INPP5F: variants seen among roughly 807,000 people sequenced by gnomAD.
The protein encoded by INPP5F is inositol polyphosphate-5-phosphatase F.
INPP5F carries 97 observed loss-of-function variants against 137.2 expected under a neutral mutation model. The observed-to-expected ratio is 0.71, with a 90% CI of 0.60 to 0.84. The LOEUF is 0.84. INPP5F is among the 40% of genes least tolerant of loss of function. The pLI, the probability that INPP5F is intolerant of heterozygous loss-of-function variation, is 0.00. For missense variants in INPP5F, 1,271 were observed against 1,371.9 expected (o/e 0.93, Z 1.16); for synonymous variants, 504 against 476.9 (o/e 1.06, Z -0.74).
At chr10:119,740,614 C>T (rs563078967) in intron 1 of INPP5F, among the ~76,000 whole-genome samples, 64 of 152,254 alleles carry the variant, frequency 4.2e-4, no homozygotes, top group African/African-American at 1.4e-3. Flanking sequence ...GCCATCTTGG[C>T]TCACTGCAAC....
chr10:119,828,458 C>T lies in INPP5F; in HGVS notation c.*678C>T, dbSNP rs1159713335. On this transcript the variant is annotated 3_prime_UTR_variant, in exon 20 of 20. Coordinates refer to ENST00000650623, the MANE Select transcript of INPP5F (RefSeq NM_014937.4). ...GATACATCAGAGGTGAATACCAGCA[C>T]CTATTAGGTTTCATTTTGCTGTTTT... 1.3e-5 allele frequency: 2 copies of T among 152,098 alleles called. No homozygotes were observed. Among genetic ancestry groups the T allele is most frequent in the African/African-American group, 2.4e-5 (1 of 41,412 alleles). The allele number at this position is 152,098 out of a possible 1,614,324, so 9.4% of individuals were successfully genotyped here. A position where few individuals can be genotyped will look rare whatever the true frequency, so the allele number is the denominator to read the frequency against.
At chr10:119,812,065 G>A (rs1405827489) in intron 15 of INPP5F, 110 bp downstream of exon 15, 21 of 820,242 alleles carry the variant, frequency 2.6e-5, no homozygotes, top group African/African-American at 1.5e-4. Flanking sequence ...TGCATGGCGC[G>A]TGACTATTTC....
Position 119,805,502 on chromosome 10 carries a change from T to C in INPP5F, c.1319+41T>C, listed in dbSNP as rs746960162. On this transcript the variant is annotated intron_variant, in intron 11 of 19. Transcript: ENST00000650623. ...GAACTCCTTTTTACAGACTCTGGGA[T>C]CTGTAAAATAGTACCACTGAGCATT... 6.6e-6 allele frequency: 9 copies of C among 1,360,836 alleles called. No homozygotes were observed. The African/African-American group carries it at 1.2e-4, about 17-fold the overall frequency. 84.3% of individuals were successfully genotyped at this position (1,360,836 alleles called of 1,614,324 possible). A position where few individuals can be genotyped will look rare whatever the true frequency, so the allele number is the denominator to read the frequency against.
intron 2 of INPP5F, among the ~76,000 whole-genome samples, chr10:119,776,722 A>G (rs1849534841): frequency 6.6e-6 from 1 of 150,776 alleles, no homozygotes; most frequent in Non-Finnish European, 1.5e-5. Context: ...GAGAGAGAGA[A>G]AGAGAGGTCC....
intron 7 of INPP5F, 100 bp from the exon 8 acceptor site, chr10:119,797,360 AG>A: frequency 1.1e-6 from 1 of 947,062 alleles, no homozygotes. Flanking sequence ...TGAATCCCCA[AG>A]GCTATCCTGG....
At chr10:119,756,390 C>A (rs917210888) in intron 2 of INPP5F, among the ~76,000 whole-genome samples, 1 of 152,084 alleles carries the variant, frequency 6.6e-6, no homozygotes, top group Non-Finnish European at 1.5e-5. Context: ...AATCCCAGCA[C>A]TTTGGGAGGT....
chr10:119,768,334 G>A (rs1335950821), intron 2 of INPP5F: 2 of 152,236 alleles, frequency 1.3e-5, no homozygotes, highest in African/African-American at 2.4e-5. Context: ...GCTGGAGTGA[G>A]CTATGCTGAT....
intron 1 of INPP5F, among the ~76,000 whole-genome samples, chr10:119,741,150 CA>C (rs1292255362): frequency 3.3e-5 from 5 of 152,214 alleles, no homozygotes; most frequent in Non-Finnish European, 7.3e-5. Flanking sequence ...ATCTATAGCA[CA>C]TCCAAGTAGC....
intron 15 of INPP5F, chr10:119,819,589 A>T (rs1302201405): frequency 6.8e-7 from 1 of 1,467,860 alleles, no homozygotes; most frequent in Non-Finnish European, 9.3e-7. Context: ...ATTTGGTATT[A>T]TTCTCTATGA....
At chr10:119,749,930 C>A (rs1389780583) in intron 1 of INPP5F, among the ~76,000 whole-genome samples, 2 of 152,102 alleles carry the variant, frequency 1.3e-5, no homozygotes, top group Admixed American at 6.5e-5. Flanking sequence ...AGGCGCGTGC[C>A]ACCATGCCTG....
At chr10:119,782,847 C>T (rs984234685) in intron 3 of INPP5F, among the ~76,000 whole-genome samples, 12 of 152,102 alleles carry the variant, frequency 7.9e-5, no homozygotes, top group African/African-American at 2.9e-4. Context: ...CACACACTGC[C>T]CCACAACTCA....
chr10:119,741,861 C>T (rs896775851), intron 1 of INPP5F, among the ~76,000 whole-genome samples: 3 of 151,976 alleles, frequency 2.0e-5, no homozygotes, highest in Admixed American at 6.6e-5. Flanking sequence ...GAGATGGAGT[C>T]TCACTCTGTT....
chr10:119,812,333 A>G (rs1851074403), intron 15 of INPP5F, among the ~76,000 whole-genome samples: 1 of 152,120 alleles, frequency 6.6e-6, no homozygotes, highest in African/African-American at 2.4e-5. Context: ...TATTGGTTAT[A>G]AAGTGGTCCT....
chr10:119,827,793 AG>A lies in INPP5F; in HGVS notation c.*14del. On this transcript the variant is annotated 3_prime_UTR_variant, in exon 20 of 20. Transcript: ENST00000650623. ...AATTCAGATTTAGCTTTTAGCCATA[AG>A]AATCCTTCCATGGCTTTTATTTAAA... The A allele has an allele frequency of 6.4e-7, 1 of 1,550,954 alleles. No individual in the cohort carries two copies. The highest frequency in any genetic ancestry group is 8.8e-7 in the Non-Finnish European group (1 of 1,138,088).
chr10:119,784,274 A>T (rs1470153645), intron 3 of INPP5F, among the ~76,000 whole-genome samples: 1 of 152,232 alleles, frequency 6.6e-6, no homozygotes, highest in Non-Finnish European at 1.5e-5. Context: ...ATTGTTATCA[A>T]TATTCTACTG....
intron 15 of INPP5F, among the ~76,000 whole-genome samples, chr10:119,820,223 T>C (rs1188543347): frequency 2.0e-5 from 3 of 152,230 alleles, no homozygotes; most frequent in African/African-American, 7.2e-5. Context: ...ACTACCTGGA[T>C]TCTAATTCTT....
At position 119,796,886 on chromosome 10, in the gene INPP5F, A is replaced by T. The variant is rs1297750782; in HGVS notation, c.841A>T (p.Ile281Phe). 6.2e-7 allele frequency: 1 copy of T among 1,613,760 alleles called. No individual in the cohort carries two copies. The highest frequency in any genetic ancestry group is 8.5e-7 in the Non-Finnish European group (1 of 1,179,796). The change falls in exon 7 of 20, where the codon ATT (isoleucine) becomes TTT (phenylalanine). Residue 281 changes from isoleucine (I) to phenylalanine (F), a missense_variant. Around this residue, in one of 6 missense-constraint regions of INPP5F, gnomAD observed 593 missense variants for 712.4 expected, o/e 0.83. Coordinates refer to ENST00000650623, the MANE Select transcript of INPP5F (RefSeq NM_014937.4). ...DIHPRFLVAL[I>F]SRRSRHRAGM... ...TCACCCACGATTTCTAGTGGCTCTC[A>T]TTTCACGCCGAAGTAGGCACAGAGC...
At chr10:119,737,864 A>G (rs1357504809) in intron 1 of INPP5F, among the ~76,000 whole-genome samples, 1 of 152,064 alleles carries the variant, frequency 6.6e-6, no homozygotes, top group East Asian at 1.9e-4. Context: ...AGGAAATGAA[A>G]TATGGGTCTG....
chr10:119,794,674 G>A (rs1310260140), intron 6 of INPP5F, among the ~76,000 whole-genome samples: 5 of 149,254 alleles, frequency 3.3e-5, no homozygotes, highest in East Asian at 2.1e-4. Context: ...CCTCCCGGAC[G>A]GGGCGGCTGG....
Sources: gnomAD v4.1 joint callset for allele counts (sites outside exome capture counted in the v4.1 genomes callset) on GRCh38, gnomAD v4.1.1 for gene constraint, gnomAD v4.1.1 regional missense constraint, MANE v1.5 for transcripts, NCBI Gene and HGNC (gene_info 2026-07-23, HGNC 2026-07-21) for gene names.